Variants in MYCBP2 observed in about 807,000 individuals in gnomAD.
MYCBP2 encodes E3 ubiquitin-protein ligase MYCBP2.
MYCBP2 carries 120 observed loss-of-function variants against 525.3 expected under a neutral mutation model. The observed-to-expected ratio is 0.23, with a 90% CI of 0.20 to 0.27. The LOEUF (loss-of-function observed/expected upper bound fraction) is 0.27, where lower values mean the gene tolerates loss of function less well. Among genes scored for constraint, MYCBP2 ranks in the 10% least tolerant of loss-of-function variants. The pLI, the probability that MYCBP2 is intolerant of heterozygous loss-of-function variation, is 1.00. For missense variants in MYCBP2, 4,149 were observed against 5,657.1 expected, an observed-to-expected ratio of 0.73 and a Z score of 8.55; for synonymous variants, 1,894 against 1,955.8, an observed-to-expected ratio of 0.97 and a Z score of 0.83.
intron 5 of MYCBP2, among the ~76,000 whole-genome samples, chr13:77,271,779 T>A (rs752287671): frequency 2.6e-5 from 4 of 152,208 alleles, no homozygotes; most frequent in Non-Finnish European, 5.9e-5. Context: ...CTCTTTCTTT[T>A]GTAAATTGCC....
intron 14 of MYCBP2, 35 bp from the exon 15 acceptor site, chr13:77,251,390 G>T (rs1422306951): frequency 6.4e-7 from 1 of 1,573,178 alleles, no homozygotes; most frequent in East Asian, 2.2e-5. Flanking sequence ...TTTTATACAG[G>T]TTACTTTCAT....
Position 77,255,903 on chromosome 13 carries a change from A to G in MYCBP2, c.2176+1768T>C, listed in dbSNP as rs188033342. Among the ~76,000 whole-genome samples, 7 of 152,116 alleles carry G rather than the reference A, an allele frequency of 4.6e-5. No homozygotes were observed. The South Asian group carries it at 6.2e-4, about 14-fold the overall frequency. ...GTTCAACGCTTAGTTCTAATAATAT[A>G]TATGTATGGTTTAATCTCTTGACCA... is the stretch of plus-strand genomic sequence containing the variant. On this transcript the variant is annotated intron_variant, in intron 14 of 82. Transcript: ENST00000544440.
At chr13:77,061,132 G>T (rs1242874273) in intron 76 of MYCBP2, 37 bp downstream of exon 76, 8 of 1,556,102 alleles carry the variant, frequency 5.1e-6, no homozygotes, top group Admixed American at 4.2e-5. Flanking sequence ...TTTTTTTGTG[G>T]GTTTTAAAGG....
At position 77,173,942 on chromosome 13, in the gene MYCBP2, C is replaced by T. The variant is rs151037137; in HGVS notation, c.5651+369G>A. Reference sequence around the variant, plus strand: ...AGATAACAAGATCAAGGCAACACCACTATCTGAGTACAGTCTATCTGATCA... The same window carrying T: ...AGATAACAAGATCAAGGCAACACCATTATCTGAGTACAGTCTATCTGATCA... On this transcript the variant is annotated intron_variant, in intron 37 of 82. Coordinates refer to ENST00000544440, the MANE Select transcript of MYCBP2 (RefSeq NM_015057.5). Among the ~76,000 whole-genome samples the T allele has an allele frequency of 2.6e-5, 4 of 152,260 alleles. No individual in the cohort carries two copies. The East Asian group carries it at 5.8e-4, about 22-fold the overall frequency.
chr13:77,149,617 T>C (rs2056159065), intron 47 of MYCBP2, among the ~76,000 whole-genome samples: 1 of 152,236 alleles, frequency 6.6e-6, no homozygotes. Flanking sequence ...AACTTTGTTT[T>C]ATACATCTTC....
At chr13:77,285,857 GGGAAAGGAAA>G (rs71102731) in intron 3 of MYCBP2, among the ~76,000 whole-genome samples, 16,252 of 146,004 alleles carry the variant, frequency 0.11, 1,082 homozygotes, top group East Asian at 0.28. Flanking sequence ...GAGAAAGGAA[GGGAAAGGAAA>G]GGAAAGGAAA....
chr13:77,261,057 T>C (rs2073182234), intron 12 of MYCBP2, 114 bp downstream of exon 12: 2 of 738,800 alleles, frequency 2.7e-6, no homozygotes, highest in Admixed American at 3.0e-5. Context: ...ATGATATATA[T>C]ATAAAGTTGG....
intron 55 of MYCBP2, among the ~76,000 whole-genome samples, chr13:77,104,327 G>A (rs942755866): frequency 6.6e-6 from 1 of 152,088 alleles, no homozygotes; most frequent in Non-Finnish European, 1.5e-5. Context: ...TGTAAAGTAT[G>A]AGTATATATT....
intron 74 of MYCBP2, 53 bp downstream of exon 74, chr13:77,062,542 TA>T: frequency 6.8e-7 from 1 of 1,460,540 alleles, no homozygotes; most frequent in Non-Finnish European, 9.6e-7. Flanking sequence ...TAAGCTAAGC[TA>T]AAGCTTACTG....
At chr13:77,105,593 G>A (rs2047725847) in intron 55 of MYCBP2, among the ~76,000 whole-genome samples, 1 of 151,772 alleles carries the variant, frequency 6.6e-6, no homozygotes, top group South Asian at 2.1e-4. Context: ...CAATCTATGA[G>A]ATACATTGAT....
chr13:77,062,495 T>G, intron 74 of MYCBP2, 101 bp downstream of exon 74: 1 of 966,744 alleles, frequency 1.0e-6, no homozygotes, highest in Non-Finnish European at 1.6e-6. Context: ...CCACTAACTG[T>G]TTATGTTGAT....
At chr13:77,096,617 G>A in intron 56 of MYCBP2, 136 bp from the exon 57 acceptor site, 2 of 907,246 alleles carry the variant, frequency 2.2e-6, no homozygotes, top group African/African-American at 1.7e-5. Flanking sequence ...TATTTTTCAG[G>A]CTATTAACTA....
At position 77,057,022 on chromosome 13, in the gene MYCBP2, C is replaced by A. The variant is rs532619521; in HGVS notation, c.13401G>T (p.Arg4467Ser). The stretch of plus-strand genomic sequence containing the variant: ...GACAAGATATAAATCCAAATGTTAT[C>A]CTTGGGCCAAGCCATCGATTTTCTA... Reference protein sequence around the residue: ...RVLENRWLGPRITFGFISCPI... With the variant: ...RVLENRWLGPSITFGFISCPI... Residue 4467 changes from arginine (R) to serine (S), a missense_variant, in exon 79 of 83, where the codon AGG becomes AGT. This residue lies in a region of MYCBP2 where 220 missense variants were observed against 396.0 expected (regional missense o/e 0.56). Transcript: ENST00000544440. 1.2e-6 allele frequency: 2 copies of A among 1,613,746 alleles called. No individual in the cohort carries two copies. The highest frequency in any genetic ancestry group is 1.1e-5 in the South Asian group (1 of 91,070).
At chr13:77,183,951 C>A (rs751530563) in intron 32 of MYCBP2, among the ~76,000 whole-genome samples, 7 of 152,072 alleles carry the variant, frequency 4.6e-5, no homozygotes, top group Non-Finnish European at 7.4e-5. Flanking sequence ...CTTCAAAAAA[C>A]CAACTTTTAG....
intron 80 of MYCBP2, among the ~76,000 whole-genome samples, 188 bp from the exon 81 acceptor site, chr13:77,052,106 A>G (rs987615127): frequency 1.3e-5 from 2 of 152,136 alleles, no homozygotes; most frequent in African/African-American, 2.4e-5. Flanking sequence ...GATCAGGGTA[A>G]GAAATAAAGC....
At chr13:77,167,818 G>A (rs148120265) in intron 40 of MYCBP2, among the ~76,000 whole-genome samples, 54 of 152,262 alleles carry the variant, frequency 3.5e-4, no homozygotes, top group Non-Finnish European at 6.6e-4. Flanking sequence ...GGATAAACAA[G>A]TGCACTGTAC....
chr13:77,098,117 A>G lies in MYCBP2; in HGVS notation c.9037T>C (p.Ser3013Pro). 1 of 1,613,568 alleles carries G rather than the reference A, an allele frequency of 6.2e-7. No homozygotes were observed. ...TGCTTGGCTGGCTCTAAAGGCTTGG[A>G]TCCATCTCCTTTGAAAAGAAAACTC... ...KSSFLFKGDG[S>P]KPLEPAKQAM... The change falls in exon 56 of 83, where the codon TCC becomes CCC. Residue 3013 changes from serine (S) to proline (P), a missense_variant. Coordinates refer to ENST00000544440, the MANE Select transcript of MYCBP2 (RefSeq NM_015057.5).
chr13:77,081,919 T>C lies in MYCBP2; in HGVS notation c.11111A>G (p.Asn3704Ser). ...HQSNVFHHIN[N>S]ILSKSDDGDS... ...GCCATCATCTGACTTTGACAAAATA[T>C]TGTTAATGTGATGAAAGACGTTGCT... Residue 3704 changes from asparagine to serine, a missense_variant, in exon 64 of 83, where the codon AAT becomes AGT. Physicochemically the swap from Asn to Ser is conservative, Grantham distance 46. Around this residue, in one of 21 missense-constraint regions of MYCBP2, gnomAD observed 509 missense variants for 789.4 expected, o/e 0.64. Transcript: ENST00000544440. This position sits in a 1 kb window ranked among gnomAD's most constrained non-coding sequence, Gnocchi z 4.6. The C allele has an allele frequency of 1.2e-6, 2 of 1,613,694 alleles. No homozygotes were observed. The highest frequency in any genetic ancestry group is 2.2e-5 in the East Asian group (1 of 44,846).
rs532089555 is a variant in MYCBP2, at chr13:77,326,926, TCTC to T, written c.-154_-152del. On this transcript the variant is annotated 5_prime_UTR_variant, in exon 1 of 83. Coordinates refer to ENST00000544440, the MANE Select transcript of MYCBP2 (RefSeq NM_015057.5). This position sits in a 1 kb window ranked among gnomAD's most constrained non-coding sequence, Gnocchi z 4.2. ...GAGACTACAAAGACAGCGACCTCCT[TCTC>T]CTCCTCCTTCTTCTCCTCCTCCCCC... The T allele has an allele frequency of 9.3e-4, 591 of 638,578 alleles. 2 individuals are homozygous for T. Among genetic ancestry groups the T allele is most frequent in the Middle Eastern group, 6.8e-3 (15 of 2,196 alleles). The allele number at this position is 638,578 out of a possible 1,614,324, so 39.6% of individuals were successfully genotyped here. A position where few individuals can be genotyped will look rare whatever the true frequency, so the allele number is the denominator to read the frequency against.
Sources: allele counts gnomAD v4.1 joint callset (sites outside exome capture counted in the v4.1 genomes callset), GRCh38; gene constraint gnomAD v4.1.1; regional missense constraint gnomAD v4.1.1; non-coding constraint Gnocchi (gnomAD v3.1); transcripts MANE v1.5; gene names NCBI Gene and HGNC (gene_info 2026-07-23, HGNC 2026-07-21).